TLK2: variants seen among roughly 807,000 people sequenced by gnomAD.
The protein encoded by TLK2 is serine/threonine-protein kinase tousled-like 2.
Under a neutral mutation model 117.3 loss-of-function variants are expected in TLK2, and 6 were observed. The observed-to-expected ratio is 0.05, with a 90% CI of 0.03 to 0.10. TLK2 has a LOEUF of 0.10. TLK2 is among the 10% of genes least tolerant of loss of function. The probability of loss-of-function intolerance (pLI) is 1.00; values close to 1 mark genes in which losing one functional copy is unlikely to be tolerated. For missense variants in TLK2, 299 were observed against 901.2 expected (o/e 0.33, Z 8.56); for synonymous variants, 257 against 316.7 (o/e 0.81, Z 2.00).
chr17:62,545,592 G>A (rs193025957), intron 7 of TLK2, among the ~76,000 whole-genome samples: 22 of 152,168 alleles, frequency 1.4e-4, no homozygotes, highest in Non-Finnish European at 2.6e-4. Flanking sequence ...GCTCCAGCCT[G>A]GATGACAGAA....
chr17:62,594,873 G>T (rs1029805840), intron 16 of TLK2, among the ~76,000 whole-genome samples: 56 of 152,192 alleles, frequency 3.7e-4, no homozygotes, highest in African/African-American at 1.3e-3. Context: ...TGTGCCTTTG[G>T]GATGTGGGAG....
chr17:62,557,380 C>T (rs2078938715), intron 9 of TLK2, among the ~76,000 whole-genome samples: 1 of 151,924 alleles, frequency 6.6e-6, no homozygotes, highest in Non-Finnish European at 1.5e-5. Context: ...CTAAAATGTT[C>T]TTTTGATTTC....
chr17:62,589,401 T>C (rs2081904589), intron 16 of TLK2, among the ~76,000 whole-genome samples: 1 of 152,176 alleles, frequency 6.6e-6, no homozygotes. Context: ...TATAAGAGAG[T>C]AAAAGACATT....
At chr17:62,491,725 A>G (rs1212709558) in intron 2 of TLK2, among the ~76,000 whole-genome samples, 1 of 152,142 alleles carries the variant, frequency 6.6e-6, no homozygotes, top group Non-Finnish European at 1.5e-5. Context: ...AGTTGGGACT[A>G]TAGGTGGGTG....
chr17:62,586,996 C>T (rs1326741129), intron 16 of TLK2, among the ~76,000 whole-genome samples: 6 of 151,990 alleles, frequency 3.9e-5, no homozygotes, highest in Non-Finnish European at 5.9e-5. Context: ...GTTCTCCTCC[C>T]GGTCACAGTT....
chr17:62,487,620 C>CTTTTT (rs71155932), intron 2 of TLK2, among the ~76,000 whole-genome samples: 18 of 104,304 alleles, frequency 1.7e-4, no homozygotes, highest in East Asian at 6.4e-4. Flanking sequence ...TGGCAAGTAT[C>CTTTTT]TTTTTTTTTT....
At chr17:62,515,088 T>G (rs954881914) in intron 2 of TLK2, among the ~76,000 whole-genome samples, 2 of 152,234 alleles carry the variant, frequency 1.3e-5, no homozygotes, top group African/African-American at 4.8e-5. Context: ...TGAATTTAAC[T>G]ATTATAGGTG....
intron 9 of TLK2, among the ~76,000 whole-genome samples, chr17:62,554,834 G>A (rs2443117): frequency 0.065 from 9,847 of 151,022 alleles, 1,076 homozygotes; most frequent in African/African-American, 0.23. Flanking sequence ...CCAAGTTCAC[G>A]CTGCTGTGCT....
intron 7 of TLK2, among the ~76,000 whole-genome samples, chr17:62,546,336 T>C (rs1170695656): frequency 1.2e-5 from 1 of 86,552 alleles, no homozygotes; most frequent in East Asian, 3.4e-4. Context: ...ATTTTGAGTT[T>C]GTTGATTGTT....
At chr17:62,604,434 TTAG>T (rs1300904796) in intron 19 of TLK2, among the ~76,000 whole-genome samples, 3 of 152,114 alleles carry the variant, frequency 2.0e-5, no homozygotes, top group African/African-American at 7.2e-5. Flanking sequence ...TTAGCACAGT[TTAG>T]TATCATAGAG....
At chr17:62,539,765 A>G (rs932864803) in intron 7 of TLK2, among the ~76,000 whole-genome samples, 1 of 151,904 alleles carries the variant, frequency 6.6e-6, no homozygotes, top group Non-Finnish European at 1.5e-5. Context: ...GCCTCCCCAA[A>G]GTTCTGGGAT....
chr17:62,526,360 C>G (rs2145640012), intron 6 of TLK2, among the ~76,000 whole-genome samples: 1 of 152,296 alleles, frequency 6.6e-6, no homozygotes, highest in African/African-American at 2.4e-5. Flanking sequence ...TTTTTGTCAT[C>G]TCCTGCAAAC....
chr17:62,496,351 T>C (rs1285833832), intron 2 of TLK2, among the ~76,000 whole-genome samples: 2 of 152,220 alleles, frequency 1.3e-5, no homozygotes, highest in African/African-American at 4.8e-5. Flanking sequence ...TTTGTTGATA[T>C]AAATAGTGCT....
chr17:62,606,960 C>T (rs572769038), intron 20 of TLK2, among the ~76,000 whole-genome samples: 1 of 150,552 alleles, frequency 6.6e-6, no homozygotes, highest in East Asian at 1.9e-4. Context: ...TTACATTCCC[C>T]AGACCAGGCT....
intron 15 of TLK2, among the ~76,000 whole-genome samples, chr17:62,584,212 G>C (rs776203322): frequency 8.4e-5 from 12 of 143,544 alleles, no homozygotes; most frequent in Non-Finnish European, 1.5e-4. Context: ...TGCCTCCCGG[G>C]TTCACGCCAT....
At chr17:62,610,254 C>A (rs970201113) in intron 21 of TLK2, among the ~76,000 whole-genome samples, 4 of 152,196 alleles carry the variant, frequency 2.6e-5, no homozygotes, top group Admixed American at 6.5e-5. Flanking sequence ...TGTGCATTAT[C>A]TCCTGTGTCC....
In TLK2 at chr17:62,556,468, G is replaced by T. The variant is rs569529826; in HGVS notation, c.720+2713G>T. 1.2e-4 allele frequency among the ~76,000 whole-genome samples: 19 copies of T among 152,138 alleles called. No homozygotes were observed. In the South Asian group the frequency reaches 3.9e-3, roughly 32 times the overall value. On this transcript the variant is annotated intron_variant, in intron 9 of 21. Coordinates refer to ENST00000346027, the MANE Select transcript of TLK2 (RefSeq NM_006852.6). ...AGTGTTAAATTTTCTCTGCCTTACCGACCTGAGAATTCTCTCTTTTGCCCT... is the reference window on the plus strand; with the variant it reads ...AGTGTTAAATTTTCTCTGCCTTACCTACCTGAGAATTCTCTCTTTTGCCCT...
At position 62,516,814 on chromosome 17, in the gene TLK2, G is replaced by C. The variant is rs879208344; in HGVS notation, c.82-3959G>C. ...GGCCGGGGCTGGAAAGCTAGTTTTAGTTCTTATGTTTAGGTCTTTGATGTG... is the reference window on the plus strand; with the variant it reads ...GGCCGGGGCTGGAAAGCTAGTTTTACTTCTTATGTTTAGGTCTTTGATGTG... On this transcript the variant is annotated intron_variant, in intron 2 of 21. Transcript: ENST00000346027. 9.0e-6 allele frequency: 10 copies of C among 1,111,482 alleles called. No homozygotes were observed. In the Admixed American group the frequency reaches 1.9e-4, roughly 21 times the overall value. 68.9% of individuals were successfully genotyped at this position (1,111,482 alleles called of 1,614,324 possible).
chr17:62,576,886 G>T, intron 13 of TLK2, 111 bp downstream of exon 13: 2 of 717,192 alleles, frequency 2.8e-6, no homozygotes, highest in Non-Finnish European at 2.4e-6. Flanking sequence ...CATAGCAGCA[G>T]AAAGCTTCAG....
Sources: gnomAD v4.1 joint callset for allele counts (sites outside exome capture counted in the v4.1 genomes callset) on GRCh38, gnomAD v4.1.1 for gene constraint, MANE v1.5 for transcripts, NCBI Gene and HGNC (gene_info 2026-07-23, HGNC 2026-07-21) for gene names.